MDFIC: variants seen among roughly 807,000 people sequenced by gnomAD.
The protein encoded by MDFIC is myoD family inhibitor domain-containing protein.
MDFIC carries 17 observed loss-of-function variants against 23.2 expected under a neutral mutation model. The observed-to-expected ratio is 0.73, with a 90% CI of 0.50 to 1.10. The LOEUF (loss-of-function observed/expected upper bound fraction) is 1.10. Among genes scored for constraint, MDFIC ranks in the 50% least tolerant of loss-of-function variants. MDFIC has a pLI of 0.00. For missense variants in MDFIC, 356 were observed against 316.6 expected (o/e 1.12, Z -0.95); for synonymous variants, 120 against 115.2 (o/e 1.04, Z -0.27).
intron 4 of MDFIC, among the ~76,000 whole-genome samples, chr7:115,009,720 C>T (rs552994574): frequency 1.6e-4 from 24 of 152,292 alleles, no homozygotes; most frequent in East Asian, 3.9e-4. Flanking sequence ...GCTGCCTAAG[C>T]GTAACACTGA....
At position 114,938,568 on chromosome 7, in the gene MDFIC, T is replaced by C. The variant is rs759330765; in HGVS notation, c.95-3707T>C. On this transcript the variant is annotated intron_variant, in intron 2 of 4. Transcript: ENST00000393486. ...TAGGTTGGGCCTGTGCATCTTTATG[T>C]TTCAAGAGCTGCACAGCGGTTCTAA... Among the ~76,000 whole-genome samples, 52 of 152,264 alleles carry C rather than the reference T, an allele frequency of 3.4e-4. 1 individual carries two copies. Among genetic ancestry groups the C allele is most frequent in the Middle Eastern group, 3.4e-3 (1 of 294 alleles).
At chr7:114,945,030 T>C (rs969548478) in intron 3 of MDFIC, among the ~76,000 whole-genome samples, 4 of 152,206 alleles carry the variant, frequency 2.6e-5, no homozygotes, top group African/African-American at 7.2e-5. Context: ...AACCCACTCT[T>C]TTTCCAAACT....
intron 4 of MDFIC, among the ~76,000 whole-genome samples, chr7:115,013,180 G>A (rs1264649333): frequency 1.3e-5 from 2 of 152,048 alleles, no homozygotes; most frequent in Non-Finnish European, 2.9e-5. Context: ...TTTTTTAGGG[G>A]TGTGTACACA....
intron 3 of MDFIC, among the ~76,000 whole-genome samples, chr7:114,966,405 CAA>C (rs61377366): frequency 2.6e-4 from 32 of 121,258 alleles, no homozygotes; most frequent in Admixed American, 4.4e-4. Context: ...GTCAGGAAAC[CAA>C]AAAAAAAAAA....
intron 4 of MDFIC, among the ~76,000 whole-genome samples, chr7:114,989,418 A>G (rs927157910): frequency 6.6e-6 from 1 of 152,142 alleles, no homozygotes; most frequent in Non-Finnish European, 1.5e-5. Context: ...GCAAGTCCAG[A>G]AGGGTTGTTT....
In MDFIC at chr7:115,019,506, C is replaced by G. The variant is rs968822870; in HGVS notation, c.*3571C>G. Among the ~76,000 whole-genome samples the G allele has an allele frequency of 2.6e-5, 4 of 152,004 alleles. No individual in the cohort carries two copies. The highest frequency in any genetic ancestry group is 9.7e-5 in the African/African-American group (4 of 41,408). On this transcript the variant is annotated 3_prime_UTR_variant, in exon 5 of 5. Coordinates refer to ENST00000393486, the MANE Select transcript of MDFIC (RefSeq NM_001166345.3). ...ACATCACTGCCCAACATAAATAAGA[C>G]TCGAGACTTATTAACATAAATAAGT...
At chr7:114,974,687 A>G (rs1183501571) in intron 3 of MDFIC, among the ~76,000 whole-genome samples, 3 of 152,112 alleles carry the variant, frequency 2.0e-5, no homozygotes, top group Admixed American at 1.3e-4. Context: ...AAGTATAGTT[A>G]TTACTAGCTA....
intron 4 of MDFIC, among the ~76,000 whole-genome samples, chr7:114,992,491 A>G (rs1791195591): frequency 6.6e-6 from 1 of 152,216 alleles, no homozygotes; most frequent in Non-Finnish European, 1.5e-5. Context: ...TGGGTTTGTC[A>G]TAAATAGCTC....
chr7:114,959,895 G>T (rs1486543007), intron 3 of MDFIC, among the ~76,000 whole-genome samples: 2 of 151,772 alleles, frequency 1.3e-5, no homozygotes, highest in Non-Finnish European at 2.9e-5. Context: ...ATGGCTAAAA[G>T]TGTACCTTTC....
intron 3 of MDFIC, among the ~76,000 whole-genome samples, chr7:114,955,625 T>C (rs1163951979): frequency 6.6e-6 from 1 of 152,210 alleles, no homozygotes; most frequent in East Asian, 1.9e-4. Flanking sequence ...AATACATTTA[T>C]GTTAATTGTT....
chr7:115,005,454 TG>T (rs1246922635), intron 4 of MDFIC, among the ~76,000 whole-genome samples: 4 of 152,244 alleles, frequency 2.6e-5, no homozygotes. Flanking sequence ...TTTGTAGTTC[TG>T]GCATTAGCTT....
chr7:114,938,800 C>A (rs1585094603), intron 2 of MDFIC, among the ~76,000 whole-genome samples: 2 of 48 alleles, frequency 0.042, no homozygotes, highest in African/African-American at 0.077. Context: ...TTCAGGTCTA[C>A]CCTACTAGTT....
chr7:114,973,949 G>C (rs1793257132), intron 3 of MDFIC, among the ~76,000 whole-genome samples: 2 of 152,030 alleles, frequency 1.3e-5, no homozygotes, highest in Non-Finnish European at 2.9e-5. Flanking sequence ...TGGAAAATAT[G>C]ATGTCATAAA....
chr7:114,999,892 A>T (rs922126745), intron 4 of MDFIC, among the ~76,000 whole-genome samples: 18 of 152,196 alleles, frequency 1.2e-4, no homozygotes, highest in African/African-American at 4.3e-4. Flanking sequence ...CAGTGGCATT[A>T]GTAGTACCTG....
chr7:114,976,502 G>A (rs1024292701), intron 3 of MDFIC, among the ~76,000 whole-genome samples: 3 of 152,046 alleles, frequency 2.0e-5, no homozygotes, highest in Admixed American at 6.6e-5. Flanking sequence ...TTGCACACCC[G>A]TAGAAATAGA....
Position 114,949,259 on chromosome 7 carries a change from G to A in MDFIC, c.217+6862G>A, listed in dbSNP as rs911962795. 2.6e-5 allele frequency among the ~76,000 whole-genome samples: 4 copies of A among 152,042 alleles called. 1 individual carries two copies. In the South Asian group the frequency reaches 8.3e-4, roughly 32 times the overall value. ...GGTCATTATTGGGGGAAATGAGATG[G>A]CATTAAAGTGTAAGTAGTGGACAAG... On this transcript the variant is annotated intron_variant, in intron 3 of 4. Transcript: ENST00000393486.
At position 115,013,811 on chromosome 7, in the gene MDFIC, C is replaced by T. The variant is rs146394959; in HGVS notation, c.494-1877C>T. On this transcript the variant is annotated intron_variant, in intron 4 of 4. Transcript: ENST00000393486. ...AAACAGTGTTGATAGAGGGAAACCA[C>T]GGACACTGTCTAGAAATCCAGAACG... Among the ~76,000 whole-genome samples, 361 of 152,254 alleles carry T rather than the reference C, an allele frequency of 2.4e-3. 2 individuals are homozygous for T. Among genetic ancestry groups the T allele is most frequent in the African/African-American group, 8.2e-3 (339 of 41,526 alleles).
chr7:115,016,844 C>T lies in MDFIC; in HGVS notation c.*909C>T, dbSNP rs1436375800. The T allele has an allele frequency of 6.6e-6, 1 of 152,214 alleles. No individual in the cohort carries two copies. Among genetic ancestry groups the T allele is most frequent in the African/African-American group, 2.4e-5 (1 of 41,420 alleles). The allele number at this position is 152,214 out of a possible 1,614,324, so 9.4% of individuals were successfully genotyped here. Reference sequence around the variant, plus strand: ...CTTCCTCAGACTGTGGGGACAGATACAATTCCACTCCTGTCCACAGGAACA... The same window carrying T: ...CTTCCTCAGACTGTGGGGACAGATATAATTCCACTCCTGTCCACAGGAACA... On this transcript the variant is annotated 3_prime_UTR_variant, in exon 5 of 5. Coordinates refer to ENST00000393486, the MANE Select transcript of MDFIC (RefSeq NM_001166345.3).
At chr7:114,941,222 A>C (rs1003021141) in intron 2 of MDFIC, among the ~76,000 whole-genome samples, 65 of 152,210 alleles carry the variant, frequency 4.3e-4, no homozygotes, top group African/African-American at 1.5e-3. Context: ...CAAATTTATT[A>C]ATCTTCCTAA....
Sources: gnomAD v4.1 joint callset for allele counts (sites outside exome capture counted in the v4.1 genomes callset) on GRCh38, gnomAD v4.1.1 for gene constraint, MANE v1.5 for transcripts, NCBI Gene and HGNC (gene_info 2026-07-23, HGNC 2026-07-21) for gene names.